The following CCSER1 variants were observed in gnomAD, a reference collection of about 807,000 sequenced individuals.
CCSER1 encodes the protein coiled-coil serine rich protein 1.
CCSER1 carries 41 observed loss-of-function variants against 82.0 expected under a neutral mutation model. That is an observed-to-expected ratio of 0.50 (90% confidence interval 0.39 to 0.65). CCSER1 has a LOEUF of 0.65. Ranked by LOEUF, CCSER1 falls within the 30% of genes least tolerant of loss-of-function variation. The probability of loss-of-function intolerance (pLI) is 0.00; values close to 1 mark genes in which losing one functional copy is unlikely to be tolerated. For missense variants in CCSER1, 1,119 were observed against 1,064.2 expected (o/e 1.05, Z -0.72); for synonymous variants, 414 against 383.9 (o/e 1.08, Z -0.92).
chr4:90,861,445 T>G (rs1011691613), intron 8 of CCSER1, among the ~76,000 whole-genome samples: 2 of 151,822 alleles, frequency 1.3e-5, no homozygotes, highest in African/African-American at 2.4e-5. Context: ...CTTATTTTGC[T>G]TATTTAAATA....
chr4:90,885,329 G>A (rs947216967), intron 8 of CCSER1, among the ~76,000 whole-genome samples: 2 of 152,262 alleles, frequency 1.3e-5, no homozygotes. Context: ...GTATGATTTT[G>A]TATTTCTGAA....
chr4:91,188,864 G>A (rs1424303665), intron 10 of CCSER1, among the ~76,000 whole-genome samples: 3 of 152,074 alleles, frequency 2.0e-5, no homozygotes, highest in African/African-American at 7.2e-5. Flanking sequence ...TATTAAGATT[G>A]TGATAGTTAG....
intron 10 of CCSER1, among the ~76,000 whole-genome samples, chr4:91,358,567 A>T (rs1365731077): frequency 6.6e-6 from 1 of 152,114 alleles, no homozygotes; most frequent in Non-Finnish European, 1.5e-5. Context: ...CCAAAACCAA[A>T]GTATCCAGCA....
intron 9 of CCSER1, among the ~76,000 whole-genome samples, chr4:90,956,683 G>A (rs1733464165): frequency 6.6e-6 from 1 of 151,830 alleles, no homozygotes; most frequent in Admixed American, 6.6e-5. Flanking sequence ...TTTAAGAAGT[G>A]CTATGTTACT....
intron 1 of CCSER1, among the ~76,000 whole-genome samples, chr4:90,144,785 T>C (rs1010780467): frequency 6.6e-6 from 1 of 152,164 alleles, no homozygotes; most frequent in Non-Finnish European, 1.5e-5. Context: ...AATTTTTATG[T>C]AAATTATTTT....
intron 4 of CCSER1, among the ~76,000 whole-genome samples, chr4:90,455,528 G>A (rs576073481): frequency 2.6e-5 from 4 of 152,256 alleles, no homozygotes; most frequent in Admixed American, 2.6e-4. Flanking sequence ...GGAAAGAGGG[G>A]TAAAAAGCAT....
chr4:90,882,056 A>G lies in CCSER1; in HGVS notation c.2095-41314A>G, dbSNP rs138110629. 9.2e-3 allele frequency among the ~76,000 whole-genome samples: 1,395 copies of G among 152,184 alleles called. 23 individuals carry two copies. Among genetic ancestry groups the G allele is most frequent in the African/African-American group, 0.032 (1,331 of 41,556 alleles). The stretch of plus-strand genomic sequence containing the variant: ...GAATAGAAAATTAGAAATTTCATCA[A>G]TTGTGTTATAATAAAGTTGGATATT... On this transcript the variant is annotated intron_variant, in intron 8 of 10. Coordinates refer to ENST00000509176, the MANE Select transcript of CCSER1 (RefSeq NM_001145065.2).
chr4:90,180,315 G>C (rs2153384795), intron 1 of CCSER1, among the ~76,000 whole-genome samples: 1 of 152,134 alleles, frequency 6.6e-6, no homozygotes, highest in East Asian at 1.9e-4. Flanking sequence ...ATGGCCAGAT[G>C]CGGTGCCTCA....
intron 10 of CCSER1, among the ~76,000 whole-genome samples, chr4:91,527,431 T>C (rs1385054262): frequency 6.6e-6 from 1 of 152,196 alleles, no homozygotes; most frequent in Non-Finnish European, 1.5e-5. Context: ...AGCAATTTTG[T>C]TACCAATGCA....
At chr4:91,436,646 TAGAC>T (rs892592448) in intron 10 of CCSER1, among the ~76,000 whole-genome samples, 55 of 152,230 alleles carry the variant, frequency 3.6e-4, no homozygotes, top group African/African-American at 1.3e-3. Context: ...AAATGAGACT[TAGAC>T]AGGTTAAATT....
chr4:91,100,925 A>G (rs1041030046), intron 10 of CCSER1, among the ~76,000 whole-genome samples: 1 of 152,216 alleles, frequency 6.6e-6, no homozygotes, highest in Non-Finnish European at 1.5e-5. Flanking sequence ...CAGTACACTC[A>G]GTTTAACTTT....
intron 8 of CCSER1, among the ~76,000 whole-genome samples, chr4:90,843,973 C>CTG (rs1230045505): frequency 1.3e-5 from 2 of 152,024 alleles, no homozygotes; most frequent in Non-Finnish European, 2.9e-5. Flanking sequence ...TCTTGAGACT[C>CTG]AGCCAATCTT....
rs758556779 is a variant in CCSER1, at chr4:90,628,112, T to C, written c.1812T>C (p.Asp604=). The C allele has an allele frequency of 3.1e-6, 5 of 1,613,750 alleles. No individual in the cohort carries two copies. In the South Asian group the frequency reaches 5.5e-5, roughly 18 times the overall value. The part of the protein sequence containing the change: ...ISRMPNSPSA[D]WPLQGVEENG... Reference sequence around the variant, plus strand: ...GAATGCCCAACAGTCCATCTGCGGATTGGCCTCTACAAGGTGTGGAAGAAA... The same window carrying C: ...GAATGCCCAACAGTCCATCTGCGGACTGGCCTCTACAAGGTGTGGAAGAAA... The change falls in exon 6 of 11, where the codon GAT becomes GAC. Residue 604 remains aspartate, a synonymous_variant. Coordinates refer to ENST00000509176, the MANE Select transcript of CCSER1 (RefSeq NM_001145065.2).
rs578136142 is a variant in CCSER1, at chr4:91,338,904, C to T, written c.2217+252910C>T. On this transcript the variant is annotated intron_variant, in intron 10 of 10. Coordinates refer to ENST00000509176, the MANE Select transcript of CCSER1 (RefSeq NM_001145065.2). Reference sequence around the variant, plus strand: ...CACAGAATTTTTTGTTTTAACACCACGTAGCAGTCTCTTGAAATACAGGCA... The same window carrying T: ...CACAGAATTTTTTGTTTTAACACCATGTAGCAGTCTCTTGAAATACAGGCA... Among the ~76,000 whole-genome samples, 23 of 152,240 alleles carry T rather than the reference C, an allele frequency of 1.5e-4. No homozygotes were observed. In the South Asian group the frequency reaches 3.7e-3, roughly 25 times the overall value.
At chr4:90,312,635 A>G (rs940485015) in intron 2 of CCSER1, among the ~76,000 whole-genome samples, 1 of 152,170 alleles carries the variant, frequency 6.6e-6, no homozygotes, top group Non-Finnish European at 1.5e-5. Flanking sequence ...GGATTCATTT[A>G]TGTGATTAAT....
At chr4:91,169,332 T>G (rs1299785786) in intron 10 of CCSER1, among the ~76,000 whole-genome samples, 20 of 152,040 alleles carry the variant, frequency 1.3e-4, no homozygotes, top group African/African-American at 2.4e-5. Flanking sequence ...AGACTAAACT[T>G]GTATTTGGCC....
chr4:90,312,780 T>A, intron 2 of CCSER1, 83 bp from the exon 3 acceptor site: 1 of 1,087,348 alleles, frequency 9.2e-7, no homozygotes, highest in Non-Finnish European at 1.3e-6. Context: ...ACACTAAGAG[T>A]TTTTCATGAT....
intron 9 of CCSER1, among the ~76,000 whole-genome samples, chr4:90,936,398 C>T (rs1305196095): frequency 6.6e-6 from 1 of 152,092 alleles, no homozygotes; most frequent in African/African-American, 2.4e-5. Flanking sequence ...GCCATTTGTT[C>T]TCATTAGGTG....
intron 7 of CCSER1, chr4:90,727,432 C>A: frequency 2.7e-6 from 1 of 369,520 alleles, no homozygotes; most frequent in South Asian, 2.1e-5. Flanking sequence ...AGGACTAAAC[C>A]TGAACAAAAT....
Sources: allele counts gnomAD v4.1 joint callset (sites outside exome capture counted in the v4.1 genomes callset), GRCh38; gene constraint gnomAD v4.1.1; transcripts MANE v1.5; gene names NCBI Gene and HGNC (gene_info 2026-07-23, HGNC 2026-07-21).